PIK3C2G: variants seen among roughly 807,000 people sequenced by gnomAD.
PIK3C2G encodes phosphatidylinositol 3-kinase C2 domain-containing subunit gamma.
Under a neutral mutation model 181.1 loss-of-function variants are expected in PIK3C2G, and 168 were observed. The observed-to-expected ratio is 0.93, with a 90% CI of 0.82 to 1.05. The LOEUF (loss-of-function observed/expected upper bound fraction) is 1.05, where lower values mean the gene tolerates loss of function less well. Ranked by LOEUF, PIK3C2G falls within the 50% of genes least tolerant of loss-of-function variation. The probability of loss-of-function intolerance (pLI) is 0.00; values close to 1 mark genes in which losing one functional copy is unlikely to be tolerated. For synonymous variants in PIK3C2G, 573 were observed against 592.2 expected (o/e 0.97, Z 0.47); for missense variants, 1,869 against 1,732.8 (o/e 1.08, Z -1.40).
At position 18,538,331 on chromosome 12, in the gene PIK3C2G, A is replaced by C. The variant is rs200268070; in HGVS notation, c.3480+19A>C. The C allele has an allele frequency of 3.4e-5, 53 of 1,573,952 alleles. No individual in the cohort carries two copies. In the Admixed American group the frequency reaches 1.1e-3, roughly 33 times the overall value. ...GGAAATGGTAAGTCCCTTGGGAAAA[A>C]AAAACAAAAATAATAAGCTTCATTT... is the stretch of plus-strand genomic sequence containing the variant. On this transcript the variant is annotated intron_variant, in intron 25 of 32. Coordinates refer to ENST00000538779, the MANE Select transcript of PIK3C2G (RefSeq NM_001288772.2).
At chr12:18,696,332 A>AATTC in the PIK3C2G span, 2 of 177,924 alleles carry the variant, frequency 1.1e-5, no homozygotes, top group Non-Finnish European at 2.1e-5. Context: ...CTATATATAT[A>AATTC]TATATATATA....
At chr12:18,354,653 T>C (rs1485988563) in intron 11 of PIK3C2G, among the ~76,000 whole-genome samples, 1 of 152,204 alleles carries the variant, frequency 6.6e-6, no homozygotes, top group Non-Finnish European at 1.5e-5. Flanking sequence ...CCAGTCCTCA[T>C]AATTTGGCCA....
chr12:18,462,836 C>G (rs1225662279), intron 18 of PIK3C2G, among the ~76,000 whole-genome samples: 1 of 152,086 alleles, frequency 6.6e-6, no homozygotes, highest in Non-Finnish European at 1.5e-5. Flanking sequence ...TAAAGATTAA[C>G]TTGCTTACCA....
chr12:18,488,654 G>T, intron 19 of PIK3C2G, 25 bp downstream of exon 19: 1 of 1,363,748 alleles, frequency 7.3e-7, no homozygotes, highest in South Asian at 1.7e-5. Context: ...TAATATTCAG[G>T]TAGTAATGTT....
intron 31 of PIK3C2G, among the ~76,000 whole-genome samples, chr12:18,628,173 G>T (rs1949185418): frequency 6.6e-6 from 1 of 151,902 alleles, no homozygotes; most frequent in Non-Finnish European, 1.5e-5. Flanking sequence ...CCTGGCCTGA[G>T]GATTATTTTA....
chr12:18,345,638 T>C (rs1939599123), intron 10 of PIK3C2G, among the ~76,000 whole-genome samples: 1 of 152,180 alleles, frequency 6.6e-6, no homozygotes, highest in Admixed American at 6.6e-5. Context: ...CTTTGCACTA[T>C]TTTCATTTCC....
the PIK3C2G span, among the ~76,000 whole-genome samples, chr12:18,703,762 A>G: frequency 1.3e-5 from 2 of 152,208 alleles, no homozygotes; most frequent in African/African-American, 4.8e-5. Context: ...AATGACTACT[A>G]TTCTTTGCTG....
At chr12:18,705,457 T>A in the PIK3C2G span, 1 of 1,010,314 alleles carries the variant, frequency 9.9e-7, no homozygotes, top group Non-Finnish European at 1.5e-6. Flanking sequence ...AAACTGAAAG[T>A]ACTTTTGAGT....
chr12:18,276,902 C>G (rs754578921), intron 1 of PIK3C2G, among the ~76,000 whole-genome samples: 22 of 152,110 alleles, frequency 1.4e-4, no homozygotes, highest in Admixed American at 6.6e-5. Context: ...ATGCAAGAAT[C>G]TTTAGGCAGT....
intron 31 of PIK3C2G, among the ~76,000 whole-genome samples, chr12:18,625,031 T>C (rs2136687596): frequency 6.6e-6 from 1 of 151,838 alleles, no homozygotes; most frequent in South Asian, 2.1e-4. Context: ...CTCATCTATT[T>C]CTGCTCTGTT....
intron 26 of PIK3C2G, among the ~76,000 whole-genome samples, chr12:18,556,198 A>G (rs11044181): frequency 0.065 from 9,949 of 152,220 alleles, 1,106 homozygotes; most frequent in African/African-American, 0.23. Flanking sequence ...AATCCAAAGC[A>G]TAATCCTGCT....
chr12:18,415,104 T>C (rs1367434220), intron 16 of PIK3C2G, among the ~76,000 whole-genome samples: 7 of 152,224 alleles, frequency 4.6e-5, no homozygotes, highest in African/African-American at 1.7e-4. Context: ...TGTTCTCCTG[T>C]TTTTGAAAGA....
chr12:18,683,256 C>G, the PIK3C2G span: 1 of 1,612,514 alleles, frequency 6.2e-7, no homozygotes, highest in Non-Finnish European at 8.5e-7. Flanking sequence ...ACGTACCAAA[C>G]ATAAACAAAC....
intron 13 of PIK3C2G, among the ~76,000 whole-genome samples, chr12:18,380,885 T>C (rs1002728644): frequency 1.3e-5 from 2 of 152,266 alleles, no homozygotes; most frequent in African/African-American, 4.8e-5. Flanking sequence ...GAATTGTATA[T>C]TGCTTTTAGA....
At chr12:18,293,651 C>A (rs1179241502) in intron 4 of PIK3C2G, among the ~76,000 whole-genome samples, 1 of 152,094 alleles carries the variant, frequency 6.6e-6, no homozygotes, top group Non-Finnish European at 1.5e-5. Context: ...ACATGAGAAA[C>A]ACAATACCTA....
At chr12:18,509,548 T>G (rs2136135671) in intron 24 of PIK3C2G, among the ~76,000 whole-genome samples, 1 of 152,280 alleles carries the variant, frequency 6.6e-6, no homozygotes, top group African/African-American at 2.4e-5. Context: ...GACATTGAGC[T>G]CTCCTGGCTC....
chr12:18,361,534 A>G (rs1355464809), intron 11 of PIK3C2G, among the ~76,000 whole-genome samples: 2 of 95,668 alleles, frequency 2.1e-5, no homozygotes, highest in Non-Finnish European at 4.2e-5. Flanking sequence ...CTTCCCACTG[A>G]AAAAAAAAAA....
chr12:18,625,807 G>C (rs559051710), intron 31 of PIK3C2G, among the ~76,000 whole-genome samples: 2 of 151,792 alleles, frequency 1.3e-5, no homozygotes, highest in South Asian at 4.2e-4. Context: ...TTTATTTAAA[G>C]TCTATTTTGT....
At chr12:18,569,132 A>G (rs1945792910) in intron 29 of PIK3C2G, among the ~76,000 whole-genome samples, 1 of 152,112 alleles carries the variant, frequency 6.6e-6, no homozygotes, top group South Asian at 2.1e-4. Context: ...ATGACTTCCA[A>G]GATAGGTTAG....
Sources: gnomAD v4.1 joint callset for allele counts (sites outside exome capture counted in the v4.1 genomes callset) on GRCh38, gnomAD v4.1.1 for gene constraint, MANE v1.5 for transcripts, NCBI Gene and HGNC (gene_info 2026-07-23, HGNC 2026-07-21) for gene names.